CAMKMT: variants seen among roughly 807,000 people sequenced by gnomAD.
CAMKMT encodes calmodulin-lysine N-methyltransferase.
In CAMKMT, 53 loss-of-function variants were observed where a neutral mutation model predicts 48.0. The observed-to-expected ratio is 1.10, with a 90% CI of 0.89 to 1.39. The LOEUF (loss-of-function observed/expected upper bound fraction) is 1.39, where lower values mean the gene tolerates loss of function less well. CAMKMT is among the 40% of genes most tolerant of loss of function. The probability of loss-of-function intolerance (pLI) is 0.00; values close to 1 mark genes in which losing one functional copy is unlikely to be tolerated. For missense variants in CAMKMT, 428 were observed against 402.7 expected, an observed-to-expected ratio of 1.06 and a Z score of -0.54; for synonymous variants, 165 against 152.3, an observed-to-expected ratio of 1.08 and a Z score of -0.61.
intron 3 of CAMKMT, among the ~76,000 whole-genome samples, chr2:44,667,334 C>A (rs1229174900): frequency 6.6e-6 from 1 of 152,186 alleles, no homozygotes; most frequent in Non-Finnish European, 1.5e-5. Context: ...ATCCGGCTCT[C>A]CCCTGAGGAC....
intron 1 of CAMKMT, among the ~76,000 whole-genome samples, chr2:44,362,681 C>T (rs980954118): frequency 3.9e-5 from 6 of 152,182 alleles, no homozygotes; most frequent in African/African-American, 1.4e-4. Flanking sequence ...AGCTGATACC[C>T]TCTCTCACTG....
At chr2:44,479,278 G>A (rs889607831) in intron 3 of CAMKMT, among the ~76,000 whole-genome samples, 1 of 152,112 alleles carries the variant, frequency 6.6e-6, no homozygotes, top group Non-Finnish European at 1.5e-5. Context: ...GGGAGTCTCA[G>A]TAGAGTACCT....
At chr2:44,659,200 T>G (rs1674543821) in intron 3 of CAMKMT, among the ~76,000 whole-genome samples, 1 of 151,638 alleles carries the variant, frequency 6.6e-6, no homozygotes, top group Non-Finnish European at 1.5e-5. Context: ...GCAGGAGGAT[T>G]TCTTGAGCCC....
intron 3 of CAMKMT, among the ~76,000 whole-genome samples, chr2:44,408,086 C>T (rs1242034027): frequency 2.8e-5 from 4 of 144,710 alleles, no homozygotes; most frequent in African/African-American, 5.3e-5. Flanking sequence ...AGTGCAGTGA[C>T]GTGATCTCGG....
At chr2:44,509,386 T>C (rs1670424368) in intron 3 of CAMKMT, among the ~76,000 whole-genome samples, 1 of 151,806 alleles carries the variant, frequency 6.6e-6, no homozygotes, top group African/African-American at 2.4e-5. Context: ...CTTGGCTCAC[T>C]GCAACCTCCA....
In CAMKMT at chr2:44,485,615, A is replaced by G. The variant is rs915754621; in HGVS notation, c.376+95310A>G. 3.9e-5 allele frequency among the ~76,000 whole-genome samples: 6 copies of G among 152,168 alleles called. No homozygotes were observed. The East Asian group carries it at 1.2e-3, about 29-fold the overall frequency. ...TATAGCCTGCCGCTCTGAGGCTACA[A>G]ACCTCTCCAGCATGTTACTGTACTG... On this transcript the variant is annotated intron_variant, in intron 3 of 10. Transcript: ENST00000378494.
Position 44,362,037 on chromosome 2 carries a change from C to A in CAMKMT, c.30C>A (p.Thr10=), listed in dbSNP as rs1185990548. The part of the protein sequence containing the change: MESRVADAG[T]GETARAAGGS... ...AGTCGCGAGTCGCGGACGCTGGGAC[C>A]GGCGAGACCGCGCGAGCAGCGGGCG... Residue 10 remains threonine, a synonymous_variant, in exon 1 of 11, where the codon ACC becomes ACA. Transcript: ENST00000378494. 1 of 1,424,146 alleles carries A rather than the reference C, an allele frequency of 7.0e-7. No individual in the cohort carries two copies. Among genetic ancestry groups the A allele is most frequent in the Non-Finnish European group, 9.1e-7 (1 of 1,094,744 alleles). 88.2% of individuals were successfully genotyped at this position (1,424,146 alleles called of 1,614,324 possible). A position where few individuals can be genotyped will look rare whatever the true frequency, so the allele number is the denominator to read the frequency against.
intron 1 of CAMKMT, among the ~76,000 whole-genome samples, chr2:44,369,068 G>A (rs1678906688): frequency 6.6e-6 from 1 of 152,156 alleles, no homozygotes; most frequent in East Asian, 1.9e-4. Context: ...ATTTTTAGTA[G>A]AGATGGGGTT....
intron 3 of CAMKMT, among the ~76,000 whole-genome samples, chr2:44,664,270 C>CTAATGA (rs1674838910): frequency 1.3e-5 from 2 of 152,168 alleles, no homozygotes; most frequent in African/African-American, 4.8e-5. Context: ...TAAAATGAGG[C>CTAATGA]TAATGATGCC....
At chr2:44,439,089 A>T (rs188457147) in intron 3 of CAMKMT, among the ~76,000 whole-genome samples, 5 of 152,340 alleles carry the variant, frequency 3.3e-5, no homozygotes. Flanking sequence ...AGCTATAGTG[A>T]AAAGTAACCA....
intron 3 of CAMKMT, among the ~76,000 whole-genome samples, chr2:44,487,418 A>T (rs1331312107): frequency 6.6e-6 from 1 of 152,204 alleles, no homozygotes. Context: ...AATATGTACT[A>T]TCATGATAAT....
chr2:44,744,608 T>A (rs61225674), intron 8 of CAMKMT, among the ~76,000 whole-genome samples: 1 of 152,138 alleles, frequency 6.6e-6, no homozygotes, highest in African/African-American at 2.4e-5. Flanking sequence ...GTTCAGATTC[T>A]GAAGAAGTTC....
intron 3 of CAMKMT, among the ~76,000 whole-genome samples, chr2:44,447,638 G>A (rs1369123352): frequency 6.6e-6 from 1 of 152,198 alleles, no homozygotes; most frequent in Non-Finnish European, 1.5e-5. Flanking sequence ...ACTTGTAGTG[G>A]ATAGAAAAAG....
chr2:44,394,922 G>T (rs1158015841), intron 3 of CAMKMT: 2 of 454,660 alleles, frequency 4.4e-6, no homozygotes, highest in African/African-American at 2.0e-5. Flanking sequence ...TACTCAGAAG[G>T]CTAAGGCTGG....
intron 7 of CAMKMT, among the ~76,000 whole-genome samples, chr2:44,743,356 A>G (rs1440401045): frequency 2.6e-5 from 4 of 152,162 alleles, no homozygotes; most frequent in Admixed American, 2.0e-4. Context: ...AAGATAAGAT[A>G]TTTTTCTCTA....
chr2:44,495,494 G>A (rs1395640040), intron 3 of CAMKMT, among the ~76,000 whole-genome samples: 7 of 152,102 alleles, frequency 4.6e-5, no homozygotes, highest in Non-Finnish European at 8.8e-5. Context: ...AAATTAAAAA[G>A]AAAATTCATT....
intron 3 of CAMKMT, among the ~76,000 whole-genome samples, chr2:44,465,040 T>G (rs755224968): frequency 3.3e-5 from 5 of 152,078 alleles, no homozygotes; most frequent in Non-Finnish European, 7.4e-5. Context: ...AAATTCCAAT[T>G]TAAAAGATAA....
intron 7 of CAMKMT, among the ~76,000 whole-genome samples, chr2:44,740,704 G>C (rs1477916590): frequency 6.6e-6 from 1 of 152,236 alleles, no homozygotes; most frequent in Non-Finnish European, 1.5e-5. Context: ...TGCAGTCATG[G>C]ACCAGGCAGA....
At chr2:44,642,357 C>T (rs1421009220) in intron 3 of CAMKMT, among the ~76,000 whole-genome samples, 2 of 152,160 alleles carry the variant, frequency 1.3e-5, no homozygotes, top group Non-Finnish European at 2.9e-5. Flanking sequence ...ATAAAGTGCC[C>T]TCTGAAAGTG....
Sources: allele counts gnomAD v4.1 joint callset (sites outside exome capture counted in the v4.1 genomes callset), GRCh38; gene constraint gnomAD v4.1.1; transcripts MANE v1.5; gene names NCBI Gene and HGNC (gene_info 2026-07-23, HGNC 2026-07-21).